Variants in CSTPP1 observed in about 807,000 individuals in gnomAD.
CSTPP1 encodes the protein centriolar satellite-associated tubulin polyglutamylase complex regulator 1.
At chr11:47,163,652 T>C in the CSTPP1 span, among the ~76,000 whole-genome samples, 2 of 152,170 alleles carry the variant, frequency 1.3e-5, no homozygotes, top group Admixed American at 1.3e-4. Context: ...ATGTAATTTT[T>C]TCTTTTTTGA....
the CSTPP1 span, among the ~76,000 whole-genome samples, chr11:47,056,556 C>A: frequency 6.6e-6 from 1 of 152,176 alleles, no homozygotes. Flanking sequence ...GTGCCATAAA[C>A]AAGACCTAGA....
the CSTPP1 span, chr11:46,936,705 G>A: frequency 6.5e-7 from 1 of 1,543,200 alleles, no homozygotes. Flanking sequence ...TCCAGCTCCC[G>A]TCCCCCTTCC....
At chr11:47,091,169 A>C in the CSTPP1 span, among the ~76,000 whole-genome samples, 2 of 151,502 alleles carry the variant, frequency 1.3e-5, no homozygotes, top group Non-Finnish European at 1.5e-5. Context: ...AGGCAGGCGG[A>C]TCAGGAGGTC....
the CSTPP1 span, among the ~76,000 whole-genome samples, chr11:47,024,298 A>G: frequency 6.6e-6 from 1 of 151,892 alleles, no homozygotes; most frequent in African/African-American, 2.4e-5. Flanking sequence ...TCCTGGGCTC[A>G]AGCAATCCTC....
At chr11:47,056,442 G>C in the CSTPP1 span, among the ~76,000 whole-genome samples, 3 of 152,200 alleles carry the variant, frequency 2.0e-5, no homozygotes, top group Admixed American at 6.5e-5. Flanking sequence ...TATAGCATTT[G>C]GACTCTTAGC....
the CSTPP1 span, among the ~76,000 whole-genome samples, chr11:46,944,590 C>G: frequency 2.6e-5 from 4 of 152,156 alleles, no homozygotes; most frequent in Non-Finnish European, 5.9e-5. Context: ...TAGTCAATGA[C>G]TGGGCAGGAC....
At chr11:47,042,966 A>G in the CSTPP1 span, among the ~76,000 whole-genome samples, 1 of 152,138 alleles carries the variant, frequency 6.6e-6, no homozygotes, top group Non-Finnish European at 1.5e-5. Context: ...GATACATAAA[A>G]TTTTCTAAGA....
the CSTPP1 span, among the ~76,000 whole-genome samples, chr11:46,951,146 C>T: frequency 1.1e-4 from 17 of 152,272 alleles, no homozygotes; most frequent in African/African-American, 3.9e-4. Context: ...GTTTATCTGA[C>T]TCTAAAGCCA....
the CSTPP1 span, among the ~76,000 whole-genome samples, chr11:47,129,980 C>T: frequency 3.9e-5 from 6 of 152,134 alleles, no homozygotes; most frequent in African/African-American, 9.7e-5. Context: ...AAGGGGCAGC[C>T]GGGTGCGGTG....
At chr11:47,072,992 C>T in the CSTPP1 span, among the ~76,000 whole-genome samples, 1 of 152,082 alleles carries the variant, frequency 6.6e-6, no homozygotes, top group Non-Finnish European at 1.5e-5. Context: ...TATATGTTTA[C>T]ATGCATACAA....
At chr11:46,972,728 C>A in the CSTPP1 span, among the ~76,000 whole-genome samples, 1,417 of 152,270 alleles carry the variant, frequency 9.3e-3, 13 homozygotes, top group Non-Finnish European at 0.015. Flanking sequence ...GAGCTGTCAT[C>A]AGTTCTAAAC....
At chr11:47,089,074 G>A in the CSTPP1 span, among the ~76,000 whole-genome samples, 57 of 152,066 alleles carry the variant, frequency 3.7e-4, no homozygotes, top group Non-Finnish European at 6.0e-4. Flanking sequence ...ATTTAAAAAT[G>A]TGCCACAGCT....
the CSTPP1 span, among the ~76,000 whole-genome samples, chr11:47,069,702 ATT>A: frequency 6.6e-6 from 1 of 151,844 alleles, no homozygotes; most frequent in African/African-American, 2.4e-5. Context: ...GTTGCTGTTT[ATT>A]TTATTATTAT....
chr11:46,987,021 A>G, the CSTPP1 span, among the ~76,000 whole-genome samples: 1 of 152,208 alleles, frequency 6.6e-6, no homozygotes, highest in Non-Finnish European at 1.5e-5. Flanking sequence ...CTCCCAATCT[A>G]TCCTTTGAGA....
At chr11:47,038,942 T>G in the CSTPP1 span, among the ~76,000 whole-genome samples, 1 of 101,684 alleles carries the variant, frequency 9.8e-6, no homozygotes, top group Non-Finnish European at 2.3e-5. Context: ...TCTCAGAGGA[T>G]GGGCCGCCGG....
At chr11:46,957,966 A>C in the CSTPP1 span, among the ~76,000 whole-genome samples, 1 of 152,192 alleles carries the variant, frequency 6.6e-6, no homozygotes, top group Non-Finnish European at 1.5e-5. Context: ...CTTGAACAAC[A>C]TGGATTTGAA....
At chr11:47,145,733 G>C in the CSTPP1 span, among the ~76,000 whole-genome samples, 1 of 152,182 alleles carries the variant, frequency 6.6e-6, no homozygotes, top group Non-Finnish European at 1.5e-5. Flanking sequence ...CTGTGCTCAA[G>C]TGATTTTCCC....
chr11:47,123,567 A>G, the CSTPP1 span, among the ~76,000 whole-genome samples: 21 of 152,360 alleles, frequency 1.4e-4, no homozygotes, highest in Admixed American at 2.0e-4. Flanking sequence ...CAATGAATAA[A>G]AAATCAAAAT....
At chr11:47,161,183 G>GA in the CSTPP1 span, 1 of 1,614,226 alleles carries the variant, frequency 6.2e-7, no homozygotes, top group Non-Finnish European at 8.5e-7. Flanking sequence ...TGAAGAGCTG[G>GA]AACGGCTGTA....
Sources: allele counts gnomAD v4.1 joint callset (sites outside exome capture counted in the v4.1 genomes callset), GRCh38; gene constraint gnomAD v4.1.1; transcripts MANE v1.5; gene names NCBI Gene and HGNC (gene_info 2026-07-23, HGNC 2026-07-21).